Variants in YPEL2 observed in about 807,000 individuals in gnomAD.
YPEL2 encodes the protein yippee like 2.
A neutral mutation model predicts 19.1 loss-of-function variants in YPEL2; 2 were observed. The ratio of observed to expected loss-of-function variants is 0.10; its 90% CI spans 0.04 to 0.33. The LOEUF (loss-of-function observed/expected upper bound fraction) is 0.33. YPEL2 is among the 10% of genes least tolerant of loss of function. The probability of loss-of-function intolerance (pLI) is 1.00; values close to 1 mark genes in which losing one functional copy is unlikely to be tolerated. For missense variants in YPEL2, 66 were observed against 140.7 expected, an observed-to-expected ratio of 0.47 and a Z score of 2.68; for synonymous variants, 52 against 50.0, an observed-to-expected ratio of 1.04 and a Z score of -0.17.
At chr17:59,395,227 G>A (rs1598056390) in intron 4 of YPEL2, among the ~76,000 whole-genome samples, 1 of 89,114 alleles carries the variant, frequency 1.1e-5, no homozygotes, top group Middle Eastern at 5.9e-3. Context: ...GTGCATGTGT[G>A]TGCACAGAGA....
chr17:59,340,915 A>G (rs919458847), intron 1 of YPEL2, among the ~76,000 whole-genome samples: 3 of 141,668 alleles, frequency 2.1e-5, no homozygotes, highest in Non-Finnish European at 4.6e-5. Context: ...GGGTTTCGCC[A>G]TGTTGGCCAG....
At position 59,376,949 on chromosome 17, in the gene YPEL2, CAAAAAAAAAAAAAAAA is replaced by C. The variant is rs59030676; in HGVS notation, c.118-11367_118-11352del. Among the ~76,000 whole-genome samples, 412 of 48,568 alleles carry C rather than the reference CAAAAAAAAAAAAAAAA, an allele frequency of 8.5e-3. 8 individuals carry two copies. Among genetic ancestry groups the C allele is most frequent in the African/African-American group, 0.023 (392 of 17,004 alleles). 31.9% of individuals were successfully genotyped at this position (48,568 alleles called of 152,430 possible). A position where few individuals can be genotyped will look rare whatever the true frequency, so the allele number is the denominator to read the frequency against. ...GAGTGACAAGAGCAACACACTGTCT[CAAAAAAAAAAAAAAAA>C]AAAAAAAAAACAAAGAAAAAGGAAA... On this transcript the variant is annotated intron_variant, in intron 2 of 4. Transcript: ENST00000312655.
chr17:59,353,531 A>G lies in YPEL2; in HGVS notation c.117+5A>G, dbSNP rs2047797529. The G allele has an allele frequency of 1.2e-6, 2 of 1,611,988 alleles. No individual in the cohort carries two copies. Among genetic ancestry groups the G allele is most frequent in the Non-Finnish European group, 1.7e-6 (2 of 1,178,016 alleles). On this transcript the variant is annotated splice_donor_5th_base_variant and intron_variant, in intron 2 of 4. Coordinates refer to ENST00000312655, the MANE Select transcript of YPEL2 (RefSeq NM_001005404.4). The surrounding 1 kb of genome is among the most constrained non-coding windows in gnomAD (Gnocchi z 4.8). ...CATGATGAACTAATTTCCAAGGTAC[A>G]CATTTCCAGCAGGCCTTCCTTGCCT...
chr17:59,336,060 C>T (rs947058863), intron 1 of YPEL2, among the ~76,000 whole-genome samples: 1 of 152,204 alleles, frequency 6.6e-6, no homozygotes, highest in East Asian at 1.9e-4. Flanking sequence ...CTCTGTCTTG[C>T]TTGCTGCTGA....
chr17:59,387,058 A>C (rs1432270351), intron 2 of YPEL2, among the ~76,000 whole-genome samples: 2 of 151,982 alleles, frequency 1.3e-5, no homozygotes, highest in Admixed American at 6.6e-5. Context: ...TCAGGAGTTG[A>C]AGACCAGTCT....
chr17:59,383,249 A>G (rs2047958844), intron 2 of YPEL2, among the ~76,000 whole-genome samples: 1 of 152,048 alleles, frequency 6.6e-6, no homozygotes, highest in Non-Finnish European at 1.5e-5. Flanking sequence ...GTTTTAACAT[A>G]GATAAGTCTT....
At chr17:59,339,290 G>A (rs1195839448) in intron 1 of YPEL2, among the ~76,000 whole-genome samples, 1 of 152,178 alleles carries the variant, frequency 6.6e-6, no homozygotes, top group Admixed American at 6.5e-5. Context: ...ATTAAATAGG[G>A]CTTGCAGTTT....
intron 1 of YPEL2, among the ~76,000 whole-genome samples, chr17:59,332,444 G>T (rs1245263279): frequency 1.3e-5 from 2 of 152,296 alleles, no homozygotes; most frequent in African/African-American, 4.8e-5. Flanking sequence ...CCTTGCCAAG[G>T]GGGTGGGCGC....
At chr17:59,388,455 G>A in intron 3 of YPEL2, 85 bp downstream of exon 3, 1 of 1,366,218 alleles carries the variant, frequency 7.3e-7, no homozygotes, top group Non-Finnish European at 1.0e-6. Flanking sequence ...ATTAAACAAT[G>A]AACCCTGCCC....
At position 59,388,292 on chromosome 17, in the gene YPEL2, A is replaced by C. The variant is rs765725922; in HGVS notation, c.118-35A>C. 7 of 1,612,076 alleles carry C rather than the reference A, an allele frequency of 4.3e-6. No individual in the cohort carries two copies. In the Admixed American group the frequency reaches 1.2e-4, roughly 27 times the overall value. The stretch of plus-strand genomic sequence containing the variant: ...TTTCCCAAACAGATAGGTGAAATGG[A>C]TGTCTAACTATCGATTTGTTTTCTT... On this transcript the variant is annotated intron_variant, in intron 2 of 4. Coordinates refer to ENST00000312655, the MANE Select transcript of YPEL2 (RefSeq NM_001005404.4).
At chr17:59,355,797 G>A (rs150286875) in intron 2 of YPEL2, 1 of 152,272 alleles carries the variant, frequency 6.6e-6, no homozygotes, top group African/African-American at 2.4e-5. Context: ...TCCCTTTTGG[G>A]GCAGAAAGGC....
Position 59,353,348 on chromosome 17 carries a change from A to G in YPEL2, c.-62A>G, listed in dbSNP as rs372348855. The G allele has an allele frequency of 4.7e-6, 6 of 1,266,802 alleles. No homozygotes were observed. The East Asian group carries it at 1.2e-4, about 25-fold the overall frequency. The allele number at this position is 1,266,802 out of a possible 1,614,324, so 78.5% of individuals were successfully genotyped here. On this transcript the variant is annotated 5_prime_UTR_variant, in exon 2 of 5. Transcript: ENST00000312655. The surrounding 1 kb of genome is among the most constrained non-coding windows in gnomAD (Gnocchi z 4.8). Reference sequence around the variant, plus strand: ...TGTGTCTTCCGGTGTTTCCCGTGCGACCCATCCTGTGGGAGTGCCTCGTGG... The same window carrying G: ...TGTGTCTTCCGGTGTTTCCCGTGCGGCCCATCCTGTGGGAGTGCCTCGTGG...
At chr17:59,366,051 C>T (rs1394779886) in intron 2 of YPEL2, 3 of 152,944 alleles carry the variant, frequency 2.0e-5, no homozygotes, top group Non-Finnish European at 4.4e-5. Flanking sequence ...CCTTTTCCTT[C>T]TTGTTAGGGT....
chr17:59,342,546 G>T (rs2047736896), intron 1 of YPEL2, among the ~76,000 whole-genome samples: 1 of 152,184 alleles, frequency 6.6e-6, no homozygotes, highest in Non-Finnish European at 1.5e-5. Context: ...TTTAAGTATA[G>T]CCCTGTCTGG....
At chr17:59,384,138 T>G (rs1174630248) in intron 2 of YPEL2, among the ~76,000 whole-genome samples, 1 of 152,222 alleles carries the variant, frequency 6.6e-6, no homozygotes, top group Non-Finnish European at 1.5e-5. Context: ...GAACAAAAAT[T>G]TAACCATTCT....
Position 59,343,239 on chromosome 17 carries a change from A to G in YPEL2, c.-195-9976A>G, listed in dbSNP as rs148674409. 2.0e-5 allele frequency among the ~76,000 whole-genome samples: 3 copies of G among 152,276 alleles called. No individual in the cohort carries two copies. The East Asian group carries it at 5.8e-4, about 29-fold the overall frequency. On this transcript the variant is annotated intron_variant, in intron 1 of 4. Transcript: ENST00000312655. ...GGAGAGTGGCAAACTGAGTAAGGTG[A>G]TTTAAAAAATACCAGCTTTACATGG...
chr17:59,401,494 A>G lies in YPEL2; in HGVS notation c.*4304A>G, dbSNP rs935744326. On this transcript the variant is annotated 3_prime_UTR_variant, in exon 5 of 5. Transcript: ENST00000312655. ...CTATCTTCCAATACAGAATCTGTCT[A>G]TTTATGCTTGTGTTTACAAACTGTA... 2.0e-5 allele frequency: 3 copies of G among 152,394 alleles called. No homozygotes were observed. Among genetic ancestry groups the G allele is most frequent in the African/African-American group, 7.3e-5 (3 of 41,372 alleles). The allele number at this position is 152,394 out of a possible 1,614,324, so 9.4% of individuals were successfully genotyped here.
At chr17:59,359,667 TTTACAAAAACCATACTCGAATAAAA>T (rs1474752666) in intron 2 of YPEL2, among the ~76,000 whole-genome samples, 2 of 152,188 alleles carry the variant, frequency 1.3e-5, no homozygotes, top group African/African-American at 4.8e-5. Context: ...CATAATGATT[TTTACAAAAACCATACTCGAATAAAA>T]TTCGAGTATG....
chr17:59,342,899 C>T (rs2047738775), intron 1 of YPEL2, among the ~76,000 whole-genome samples: 1 of 152,150 alleles, frequency 6.6e-6, no homozygotes, highest in Admixed American at 6.5e-5. Flanking sequence ...GAACTCTAAG[C>T]TTTTCACTAG....
Sources: gnomAD v4.1 joint callset for allele counts (sites outside exome capture counted in the v4.1 genomes callset) on GRCh38, gnomAD v4.1.1 for gene constraint, Gnocchi (gnomAD v3.1) non-coding constraint, MANE v1.5 for transcripts, NCBI Gene and HGNC (gene_info 2026-07-23, HGNC 2026-07-21) for gene names.